FAM8A1: variants seen among roughly 807,000 people sequenced by gnomAD.
The protein encoded by FAM8A1 is family with sequence similarity 8 member A1.
Under a neutral mutation model 38.3 loss-of-function variants are expected in FAM8A1, and 18 were observed. The observed-to-expected ratio is 0.47, with a 90% confidence interval of 0.33 to 0.70. The LOEUF is 0.70. Among genes scored for constraint, FAM8A1 ranks in the 30% least tolerant of loss-of-function variants. The probability of loss-of-function intolerance (pLI) is 0.03; values close to 1 mark genes in which losing one functional copy is unlikely to be tolerated. For missense variants in FAM8A1, 559 were observed against 559.6 expected, an observed-to-expected ratio of 1.00 and a Z score of 0.01; for synonymous variants, 246 against 234.4, an observed-to-expected ratio of 1.05 and a Z score of -0.45.
chr6:17,602,286 C>T (rs2113744684), intron 1 of FAM8A1, among the ~76,000 whole-genome samples: 1 of 152,384 alleles, frequency 6.6e-6, no homozygotes, highest in South Asian at 2.1e-4. Flanking sequence ...ATCTGCCCGC[C>T]TCGGCCTCCT....
In FAM8A1 at chr6:17,600,991, C is replaced by T. The variant is rs1456107547; in HGVS notation, c.582C>T (p.Ser194=). 2 of 1,590,876 alleles carry T rather than the reference C, an allele frequency of 1.3e-6. No individual in the cohort carries two copies. The highest frequency in any genetic ancestry group is 1.7e-6 in the Non-Finnish European group (2 of 1,170,578). ...GPDPRTAAGI[S]TPAPVAGLGP... is the part of the protein sequence containing the mutation. ...ACCCGCGGACAGCTGCCGGCATCAGCACCCCTGCTCCAGTCGCGGGCCTGG... is the reference window on the plus strand; with the variant it reads ...ACCCGCGGACAGCTGCCGGCATCAGTACCCCTGCTCCAGTCGCGGGCCTGG... Residue 194 remains serine, a synonymous_variant, in exon 1 of 5, where the codon AGC becomes AGT. Transcript: ENST00000259963.
At position 17,602,616 on chromosome 6, in the gene FAM8A1, G is replaced by T. The variant is rs138714155; in HGVS notation, c.739G>T (p.Ala247Ser). Residue 247 changes from alanine (A) to serine (S), a missense_variant, in exon 2 of 5, where the codon GCC becomes TCC. Physicochemically the swap from Ala to Ser is moderately conservative, Grantham distance 99. Transcript: ENST00000259963. The stretch of plus-strand genomic sequence containing the variant: ...CAGAGAATATGTTATTCCATCCTTG[G>T]CCCACAGATTTATGGCAGAGATGGT... ...AGREYVIPSL[A>S]HRFMAEMVDF... The T allele has an allele frequency of 1.2e-6, 2 of 1,610,140 alleles. No individual in the cohort carries two copies. The highest frequency in any genetic ancestry group is 1.7e-6 in the Non-Finnish European group (2 of 1,178,970).
At chr6:17,601,223 C>T (rs900173024) in intron 1 of FAM8A1, 102 bp downstream of exon 1, 1 of 1,412,964 alleles carries the variant, frequency 7.1e-7, no homozygotes, top group Non-Finnish European at 9.5e-7. Flanking sequence ...TGCTTCTACT[C>T]TGATTGACTA....
Position 17,600,732 on chromosome 6 carries a change from T to G in FAM8A1, c.323T>G (p.Leu108Arg). 6.3e-7 allele frequency: 1 copy of G among 1,575,198 alleles called. No homozygotes were observed. Among genetic ancestry groups the G allele is most frequent in the Non-Finnish European group, 8.6e-7 (1 of 1,162,346 alleles). Residue 108 changes from leucine to arginine, a missense_variant, in exon 1 of 5, where the codon CTG becomes CGG. Physicochemically the swap from Leu to Arg is moderately radical, Grantham distance 102. Around this residue, in one of 2 missense-constraint regions of FAM8A1, gnomAD observed 393 missense variants for 338.9 expected, o/e 1.16. Transcript: ENST00000259963. ...AAAPRERPAR[L>R]SAREYSRQVH... ...GCGCCACGAGAGAGACCAGCTCGGC[T>G]GAGCGCCCGCGAGTACTCCCGGCAA...
Position 17,608,485 on chromosome 6 carries a change from A to G in FAM8A1, c.*146A>G. 5.6e-6 allele frequency: 4 copies of G among 711,900 alleles called. No homozygotes were observed. The highest frequency in any genetic ancestry group is 7.9e-6 in the Non-Finnish European group (4 of 507,588). 44.1% of individuals were successfully genotyped at this position (711,900 alleles called of 1,614,324 possible). On this transcript the variant is annotated 3_prime_UTR_variant, in exon 5 of 5. Coordinates refer to ENST00000259963, the MANE Select transcript of FAM8A1 (RefSeq NM_016255.3). ...GGTGACTACTCTGAAAGTATTGATT[A>G]TACTTGAATGCCAAAGAACTTGTCC...
At chr6:17,601,637 T>C (rs1345558679) in intron 1 of FAM8A1, among the ~76,000 whole-genome samples, 1 of 152,250 alleles carries the variant, frequency 6.6e-6, no homozygotes, top group Non-Finnish European at 1.5e-5. Flanking sequence ...TATTGTGTAA[T>C]TGTTTTTGCT....
rs2113748363 is a variant in FAM8A1 at position 17,608,854 on chromosome 6, T to C, written c.*515T>C. 6.6e-6 allele frequency: 1 copy of C among 152,342 alleles called. No homozygotes were observed. The highest frequency in any genetic ancestry group is 1.9e-4 in the East Asian group (1 of 5,190). 9.4% of individuals were successfully genotyped at this position (152,342 alleles called of 1,614,324 possible). A position where few individuals can be genotyped will look rare whatever the true frequency, so the allele number is the denominator to read the frequency against. On this transcript the variant is annotated 3_prime_UTR_variant, in exon 5 of 5. Coordinates refer to ENST00000259963, the MANE Select transcript of FAM8A1 (RefSeq NM_016255.3). ...TCTCCCATCCCAGGAGGTGGTGAGT[T>C]GGCTACAAGAGAAAGGGACAAGTGA...
Position 17,600,332 on chromosome 6 carries a change from G to C in FAM8A1, c.-78G>C. The C allele has an allele frequency of 7.7e-7, 1 of 1,304,998 alleles. No homozygotes were observed. Among genetic ancestry groups the C allele is most frequent in the Non-Finnish European group, 9.8e-7 (1 of 1,025,398 alleles). The allele number at this position is 1,304,998 out of a possible 1,614,324, so 80.8% of individuals were successfully genotyped here. A position where few individuals can be genotyped will look rare whatever the true frequency, so the allele number is the denominator to read the frequency against. ...CGCCTGCGGTTGCTGCGGTGGTGAC[G>C]GGGCTGTTGGGGAGGGGCCATTGGG... On this transcript the variant is annotated 5_prime_UTR_variant, in exon 1 of 5. Transcript: ENST00000259963.
In FAM8A1 at chr6:17,600,699, A is replaced by C; in HGVS notation, c.290A>C (p.Glu97Ala). 5 of 1,572,922 alleles carry C rather than the reference A, an allele frequency of 3.2e-6. No homozygotes were observed. Among genetic ancestry groups the C allele is most frequent in the Non-Finnish European group, 4.3e-6 (5 of 1,161,654 alleles). ...LQEQAGCEAP[E>A]AAAPRERPAR... ...GAGCAGGCGGGCTGCGAGGCGCCCG[A>C]AGCCGCGGCGCCACGAGAGAGACCA... is the stretch of plus-strand genomic sequence containing the variant. Residue 97 changes from glutamate (E) to alanine (A), a missense_variant, in exon 1 of 5, where the codon GAA (glutamate) becomes GCA (alanine). Around this residue, in one of 2 missense-constraint regions of FAM8A1, gnomAD observed 393 missense variants for 338.9 expected, o/e 1.16. Transcript: ENST00000259963.
chr6:17,607,446 CATA>C (rs796394868), intron 4 of FAM8A1, among the ~76,000 whole-genome samples: 20 of 51,828 alleles, frequency 3.9e-4, no homozygotes, highest in African/African-American at 1.0e-3. Flanking sequence ...TCTATAGTAT[CATA>C]AGATACTATA....
chr6:17,607,106 A>C (rs927317546), intron 4 of FAM8A1, among the ~76,000 whole-genome samples: 1 of 151,936 alleles, frequency 6.6e-6, no homozygotes, highest in Non-Finnish European at 1.5e-5. Flanking sequence ...TAAAAATACA[A>C]AAAATTAGCC....
rs1581638392 is a variant in FAM8A1 at position 17,600,505 on chromosome 6, T to A, written c.96T>A (p.Pro32=). Residue 32 remains proline, a synonymous_variant, in exon 1 of 5, where the codon CCT becomes CCA. Transcript: ENST00000259963. ...HEPVPSLRGP[P]TTAVPCPRDD... ...CCGTCCCTTCCCTGAGAGGCCCTCCTACCACCGCCGTCCCATGCCCCCGCG... is the reference window on the plus strand; with the variant it reads ...CCGTCCCTTCCCTGAGAGGCCCTCCAACCACCGCCGTCCCATGCCCCCGCG... The A allele has an allele frequency of 1.3e-6, 2 of 1,534,396 alleles. No individual in the cohort carries two copies. Among genetic ancestry groups the A allele is most frequent in the Non-Finnish European group, 1.7e-6 (2 of 1,145,108 alleles).
chr6:17,600,590 G>C lies in FAM8A1; in HGVS notation c.181G>C (p.Ala61Pro), dbSNP rs945485068. 1.3e-6 allele frequency: 2 copies of C among 1,488,568 alleles called. No individual in the cohort carries two copies. Among genetic ancestry groups the C allele is most frequent in the Non-Finnish European group, 1.8e-6 (2 of 1,124,536 alleles). 92.2% of individuals were successfully genotyped at this position (1,488,568 alleles called of 1,614,324 possible). Residue 61 changes from alanine (A) to proline (P), a missense_variant, in exon 1 of 5, where the codon GCC becomes CCC. Ala to Pro is a conservative substitution (Grantham distance 27). Around this residue, in one of 2 missense-constraint regions of FAM8A1, gnomAD observed 393 missense variants for 338.9 expected, o/e 1.16. Coordinates refer to ENST00000259963, the MANE Select transcript of FAM8A1 (RefSeq NM_016255.3). Reference protein sequence around the residue: ...GRPTAPGLAAAAAADKLEPPR... With the variant: ...GRPTAPGLAAPAAADKLEPPR... ...GCCCACAGCCCCGGGCCTCGCGGCT[G>C]CCGCCGCAGCCGACAAATTGGAGCC...
At chr6:17,607,332 C>G (rs1362875791) in intron 4 of FAM8A1, among the ~76,000 whole-genome samples, 2 of 150,588 alleles carry the variant, frequency 1.3e-5, no homozygotes, top group Non-Finnish European at 2.9e-5. Context: ...TCAGTAATGG[C>G]TAATGTTTAT....
rs1325647004 is a variant in FAM8A1 at position 17,609,967 on chromosome 6, TTA to T, written c.*1630_*1631del. Reference sequence around the variant, plus strand: ...ATAAACCGTGTTTTTCAAAATAAGTTTATGTCAAATCCAGCTTCCCAGAAACA... The same window carrying T: ...ATAAACCGTGTTTTTCAAAATAAGTTTGTCAAATCCAGCTTCCCAGAAACA... On this transcript the variant is annotated 3_prime_UTR_variant, in exon 5 of 5. Transcript: ENST00000259963. The T allele has an allele frequency of 2.0e-5, 3 of 152,194 alleles. No individual in the cohort carries two copies. The highest frequency in any genetic ancestry group is 2.9e-5 in the Non-Finnish European group (2 of 68,020). 9.4% of individuals were successfully genotyped at this position (152,194 alleles called of 1,614,324 possible).
chr6:17,603,649 C>G (rs1380280292), intron 2 of FAM8A1, among the ~76,000 whole-genome samples: 6 of 152,242 alleles, frequency 3.9e-5, no homozygotes, highest in Admixed American at 1.3e-4. Flanking sequence ...ACAATTATGG[C>G]TCACTGCAGC....
rs1763968242 is a variant in FAM8A1, at chr6:17,600,622, C to A, written c.213C>A (p.Arg71=). The change falls in exon 1 of 5, where the codon CGC becomes CGA. Residue 71 remains arginine, a synonymous_variant. Transcript: ENST00000259963. ...AAAADKLEPP[R]ELRKRGEAAS... ...CAGCCGACAAATTGGAGCCGCCGCGCGAGCTCAGGAAGCGCGGGGAGGCGG... is the reference window on the plus strand; with the variant it reads ...CAGCCGACAAATTGGAGCCGCCGCGAGAGCTCAGGAAGCGCGGGGAGGCGG... 6.6e-7 allele frequency: 1 copy of A among 1,513,190 alleles called. No homozygotes were observed. 93.7% of individuals were successfully genotyped at this position (1,513,190 alleles called of 1,614,324 possible).
Position 17,600,598 on chromosome 6 carries a change from A to T in FAM8A1, c.189A>T (p.Ala63=). The T allele has an allele frequency of 6.7e-7, 1 of 1,492,142 alleles. No individual in the cohort carries two copies. The highest frequency in any genetic ancestry group is 2.9e-5 in the East Asian group (1 of 35,082). 92.4% of individuals were successfully genotyped at this position (1,492,142 alleles called of 1,614,324 possible). Residue 63 remains alanine, a synonymous_variant, in exon 1 of 5, where the codon GCA becomes GCT. Transcript: ENST00000259963. ...CCCCGGGCCTCGCGGCTGCCGCCGC[A>T]GCCGACAAATTGGAGCCGCCGCGCG... ...PTAPGLAAAA[A]ADKLEPPREL...
intron 4 of FAM8A1, among the ~76,000 whole-genome samples, chr6:17,607,296 AACCT>A (rs1193484548): frequency 3.3e-5 from 5 of 151,810 alleles, no homozygotes; most frequent in Admixed American, 2.6e-4. Context: ...GGTAGTTATA[AACCT>A]ACCTACTTCT....
Sources: gnomAD v4.1 joint callset for allele counts (sites outside exome capture counted in the v4.1 genomes callset) on GRCh38, gnomAD v4.1.1 for gene constraint, gnomAD v4.1.1 regional missense constraint, MANE v1.5 for transcripts, NCBI Gene and HGNC (gene_info 2026-07-23, HGNC 2026-07-21) for gene names.